The following VPS4A variants were observed in gnomAD, a reference collection of about 807,000 sequenced individuals.
VPS4A encodes vacuolar protein sorting-associated protein 4A.
In VPS4A, 20 loss-of-function variants were observed where a neutral mutation model predicts 52.3. The ratio of observed to expected loss-of-function variants is 0.38; its 90% CI spans 0.27 to 0.56. The LOEUF (loss-of-function observed/expected upper bound fraction) is 0.56, where lower values mean the gene tolerates loss of function less well. Ranked by LOEUF, VPS4A falls within the 20% of genes least tolerant of loss-of-function variation. The pLI is 0.72. For synonymous variants in VPS4A, 293 were observed against 227.7 expected (o/e 1.29, Z -2.58); for missense variants, 419 against 575.9 (o/e 0.73, Z 2.79).
chr16:69,325,847 TAAG>T lies in VPS4A; in HGVS notation c.*1539_*1541del, dbSNP rs1381055162. The T allele has an allele frequency of 6.6e-6, 1 of 151,940 alleles. No individual in the cohort carries two copies. The highest frequency in any genetic ancestry group is 6.6e-5 in the Admixed American group (1 of 15,252). The allele number at this position is 151,940 out of a possible 1,614,324, so 9.4% of individuals were successfully genotyped here. On this transcript the variant is annotated 3_prime_UTR_variant, in exon 11 of 11. Coordinates refer to ENST00000254950, the MANE Select transcript of VPS4A (RefSeq NM_013245.3). ...CATGGGGCAGCCTGTCAGCGGCCAC[TAAG>T]TAGAGGCTGCTCTGTACAGAAGGGG...
chr16:69,326,373 G>C lies in VPS4A; in HGVS notation c.*2064G>C, dbSNP rs912369489. 3.3e-5 allele frequency: 5 copies of C among 152,228 alleles called. No homozygotes were observed. The highest frequency in any genetic ancestry group is 2.6e-4 in the Admixed American group (4 of 15,278). The allele number at this position is 152,228 out of a possible 1,614,324, so 9.4% of individuals were successfully genotyped here. On this transcript the variant is annotated 3_prime_UTR_variant, in exon 11 of 11. Transcript: ENST00000254950. ...TTGGGGGTGCTTGTGTAAGTTCTTG[G>C]TTATGTGCCCTCAGCCACCAGGATA...
rs761445237 is a variant in VPS4A at position 69,318,647 on chromosome 16, C to T, written c.282-3C>T. The stretch of plus-strand genomic sequence containing the variant: ...GCTTGTGACTTTCCGTCTCCCTTCC[C>T]AGCAGTGACAGTGACAGTGAAGGGG... On this transcript the variant is annotated splice_region_variant and splice_polypyrimidine_tract_variant and intron_variant, in intron 3 of 10. Coordinates refer to ENST00000254950, the MANE Select transcript of VPS4A (RefSeq NM_013245.3). 1.2e-6 allele frequency: 2 copies of T among 1,607,088 alleles called. No homozygotes were observed. Among genetic ancestry groups the T allele is most frequent in the Non-Finnish European group, 1.7e-6 (2 of 1,176,646 alleles).
At chr16:69,322,364 G>T in intron 9 of VPS4A, 196 bp from the exon 10 acceptor site, 1 of 506,280 alleles carries the variant, frequency 2.0e-6, no homozygotes. Context: ...TCAAGGCATT[G>T]GGGCTACAGA....
Position 69,324,428 on chromosome 16 carries a change from T to C in VPS4A, c.*119T>C. The C allele has an allele frequency of 9.0e-7, 1 of 1,114,584 alleles. No homozygotes were observed. The allele number at this position is 1,114,584 out of a possible 1,614,324, so 69.0% of individuals were successfully genotyped here. ...TTGTCCCAGTCAATACAGAGTTCCC[T>C]CTGCTGTCTGGCCGTCTGCCAGGGA... On this transcript the variant is annotated 3_prime_UTR_variant, in exon 11 of 11. Transcript: ENST00000254950.
chr16:69,316,160 G>C (rs781585916), intron 2 of VPS4A, 41 bp downstream of exon 2: 72 of 1,612,514 alleles, frequency 4.5e-5, no homozygotes, highest in Non-Finnish European at 5.9e-5. Context: ...GCACTCCAGA[G>C]GGGAGCGGAG....
intron 1 of VPS4A, among the ~76,000 whole-genome samples, chr16:69,315,059 CTCTG>C (rs764593151): frequency 1.7e-4 from 26 of 152,030 alleles, no homozygotes; most frequent in Middle Eastern, 3.2e-3. Flanking sequence ...CATGGTGAAA[CTCTG>C]TCTGCACTAA....
At chr16:69,319,826 C>T (rs538672559) in intron 6 of VPS4A, among the ~76,000 whole-genome samples, 29 of 152,244 alleles carry the variant, frequency 1.9e-4, no homozygotes, top group Middle Eastern at 3.4e-3. Context: ...GTGTGGGGGA[C>T]ATGGTTCCCC....
intron 1 of VPS4A, among the ~76,000 whole-genome samples, chr16:69,312,005 C>T (rs1965383498): frequency 6.6e-6 from 1 of 152,160 alleles, no homozygotes; most frequent in East Asian, 1.9e-4. Context: ...GGCCAGCGAC[C>T]CTTCATTCAT....
At chr16:69,319,339 T>C (rs1472139697) in intron 5 of VPS4A, 48 bp from the exon 6 acceptor site, 1 of 1,606,402 alleles carries the variant, frequency 6.2e-7, no homozygotes, top group Middle Eastern at 1.7e-4. Flanking sequence ...GCTTTTCCTA[T>C]TCCTTTCCCC....
chr16:69,325,158 GA>G lies in VPS4A; in HGVS notation c.*852del, dbSNP rs371480240. ...TCCTCTCTTTTCTAAAGCAGAGCAG[GA>G]AACAGAACACTGCAGTTCTTAGGCC... On this transcript the variant is annotated 3_prime_UTR_variant, in exon 11 of 11. Coordinates refer to ENST00000254950, the MANE Select transcript of VPS4A (RefSeq NM_013245.3). 3.9e-5 allele frequency: 6 copies of G among 152,234 alleles called. No individual in the cohort carries two copies. The highest frequency in any genetic ancestry group is 1.4e-4 in the African/African-American group (6 of 41,452). 9.4% of individuals were successfully genotyped at this position (152,234 alleles called of 1,614,324 possible).
chr16:69,317,602 GCTAACACGGTGAAACCCCGTCTCCA>G (rs377360687), intron 3 of VPS4A, among the ~76,000 whole-genome samples: 8 of 152,306 alleles, frequency 5.3e-5, no homozygotes, highest in African/African-American at 1.9e-4. Flanking sequence ...GACCATCCTG[GCTAACACGGTGAAACCCCGTCTCCA>G]CTAAAAATAC....
chr16:69,316,404 G>C, intron 3 of VPS4A, 32 bp downstream of exon 3: 1 of 1,610,516 alleles, frequency 6.2e-7, no homozygotes, highest in Admixed American at 1.7e-5. Flanking sequence ...CCAGGAACCT[G>C]GGCCCTCCTC....
In VPS4A at chr16:69,316,865, G is replaced by A. The variant is rs550789009; in HGVS notation, c.281+493G>A. Among the ~76,000 whole-genome samples, 74 of 152,340 alleles carry A rather than the reference G, an allele frequency of 4.9e-4. 1 individual carries two copies. The highest frequency in any genetic ancestry group is 1.6e-3 in the African/African-American group (67 of 41,572). ...GCCGGCTCGGGTTAGGAGCCCTGCC[G>A]AGGTGGCACAGGATGGAACTTGGAC... is the stretch of plus-strand genomic sequence containing the variant. On this transcript the variant is annotated intron_variant, in intron 3 of 10. Coordinates refer to ENST00000254950, the MANE Select transcript of VPS4A (RefSeq NM_013245.3).
intron 6 of VPS4A, among the ~76,000 whole-genome samples, 160 bp downstream of exon 6, chr16:69,319,703 A>G (rs2143261344): frequency 6.6e-6 from 1 of 152,366 alleles, no homozygotes; most frequent in African/African-American, 2.4e-5. Flanking sequence ...CACAGTCCCA[A>G]CAAAGACAAG....
chr16:69,325,437 AT>A lies in VPS4A; in HGVS notation c.*1131del, dbSNP rs991794378. On this transcript the variant is annotated 3_prime_UTR_variant, in exon 11 of 11. Coordinates refer to ENST00000254950, the MANE Select transcript of VPS4A (RefSeq NM_013245.3). ...AATCCCAGCACTTTGGGCCGCTAAC[AT>A]TTAAAAGTCGAGAGTTGCTGGGCGC... The A allele has an allele frequency of 1.2e-5, 1 of 83,764 alleles. No homozygotes were observed. Among genetic ancestry groups the A allele is most frequent in the Non-Finnish European group, 2.6e-5 (1 of 38,200 alleles). 5.2% of individuals were successfully genotyped at this position (83,764 alleles called of 1,614,324 possible).
At chr16:69,315,923 C>T (rs1234955247) in intron 1 of VPS4A, 85 bp from the exon 2 acceptor site, 13 of 1,145,910 alleles carry the variant, frequency 1.1e-5, no homozygotes, top group Middle Eastern at 2.2e-4. Flanking sequence ...CGGCATCCCT[C>T]GTCACGTTTC....
intron 10 of VPS4A, chr16:69,322,916 A>G: frequency 2.7e-6 from 1 of 371,570 alleles, no homozygotes; most frequent in Admixed American, 4.4e-5. Context: ...AAAAATACAA[A>G]AATTAGCCGG....
Position 69,320,832 on chromosome 16 carries a change from T to C in VPS4A, c.851+63T>C. 1 of 1,507,746 alleles carries C rather than the reference T, an allele frequency of 6.6e-7. No homozygotes were observed. The highest frequency in any genetic ancestry group is 9.0e-7 in the Non-Finnish European group (1 of 1,106,710). The allele number at this position is 1,507,746 out of a possible 1,614,324, so 93.4% of individuals were successfully genotyped here. A position where few individuals can be genotyped will look rare whatever the true frequency, so the allele number is the denominator to read the frequency against. ...CCTCCCACCATGGTCACGGTCCGCC[T>C]GCTGCTGGCAGCCCGGGTGCAGCCT... On this transcript the variant is annotated intron_variant, in intron 8 of 10. Coordinates refer to ENST00000254950, the MANE Select transcript of VPS4A (RefSeq NM_013245.3). The surrounding 1 kb of genome is among the most constrained non-coding windows in gnomAD (Gnocchi z 4.2).
At chr16:69,318,007 CTTTTT>C (rs71148992) in intron 3 of VPS4A, among the ~76,000 whole-genome samples, 2 of 125,936 alleles carry the variant, frequency 1.6e-5, no homozygotes, top group Non-Finnish European at 1.6e-5. Flanking sequence ...GTTTGACTGG[CTTTTT>C]TTTTTTTTTT....
Sources: gnomAD v4.1 joint callset for allele counts (sites outside exome capture counted in the v4.1 genomes callset) on GRCh38, gnomAD v4.1.1 for gene constraint, Gnocchi (gnomAD v3.1) non-coding constraint, MANE v1.5 for transcripts, NCBI Gene and HGNC (gene_info 2026-07-23, HGNC 2026-07-21) for gene names.